The following MGAT2 variants were observed in gnomAD, a reference collection of about 807,000 sequenced individuals.
MGAT2 encodes the protein Beta-1,2-N-acetylglucosaminyltransferase II.
MGAT2 carries 17 observed loss-of-function variants against 33.8 expected under a neutral mutation model. That is an observed-to-expected ratio of 0.50 (90% confidence interval 0.34 to 0.76). The LOEUF is 0.76. MGAT2 is among the 30% of genes least tolerant of loss of function. The pLI, the probability that MGAT2 is intolerant of heterozygous loss-of-function variation, is 0.01. For missense variants in MGAT2, 529 were observed against 553.9 expected (o/e 0.96, Z 0.45); for synonymous variants, 248 against 226.7 (o/e 1.09, Z -0.84).
Position 49,623,125 on chromosome 14 carries a change from G to C in MGAT2, c.*513G>C, listed in dbSNP as rs1253836446. On this transcript the variant is annotated 3_prime_UTR_variant, in exon 1 of 1. Transcript: ENST00000305386. Reference sequence around the variant, plus strand: ...GTTTGTTAAACACCCTGTCAGAACAGTCATTTTCAGTATTAGATTCCTGTA... The same window carrying C: ...GTTTGTTAAACACCCTGTCAGAACACTCATTTTCAGTATTAGATTCCTGTA... The C allele has an allele frequency of 6.0e-6, 1 of 167,802 alleles. No homozygotes were observed. The highest frequency in any genetic ancestry group is 1.5e-5 in the Non-Finnish European group (1 of 68,728). The allele number at this position is 167,802 out of a possible 1,614,324, so 10.4% of individuals were successfully genotyped here.
Position 49,622,050 on chromosome 14 carries a change from A to T in MGAT2, c.782A>T (p.Asp261Val), listed in dbSNP as rs1400230698. The T allele has an allele frequency of 6.2e-7, 1 of 1,614,200 alleles. No homozygotes were observed. Among genetic ancestry groups the T allele is most frequent in the South Asian group, 1.1e-5 (1 of 91,084 alleles). The change falls in exon 1 of 1, where the codon GAT becomes GTT. Residue 261 changes from aspartate to valine, a missense_variant. Asp to Val is a radical substitution (Grantham distance 152, BLOSUM62 -3). Around this residue, in one of 2 missense-constraint regions of MGAT2, gnomAD observed 501 missense variants for 501.1 expected, o/e 1.00. Transcript: ENST00000305386. Reference protein sequence around the residue: ...YAGLILFLEEDHYLAPDFYHV... With the variant: ...YAGLILFLEEVHYLAPDFYHV... ...GGCCTTATACTTTTCCTAGAAGAGG[A>T]TCACTACTTAGCCCCAGACTTTTAC... is the stretch of plus-strand genomic sequence containing the variant.
Position 49,622,182 on chromosome 14 carries a change from A to G in MGAT2, c.914A>G (p.Asp305Gly), listed in dbSNP as rs1189278775. ...SASRSFYGMA[D>G]KVDVKTWKST... ...AGTCGCAGTTTCTATGGCATGGCTG[A>G]CAAGGTAGATGTGAAAACTTGGAAA... Residue 305 changes from aspartate (D) to glycine (G), a missense_variant, in exon 1 of 1, where the codon GAC becomes GGC. Around this residue, in one of 2 missense-constraint regions of MGAT2, gnomAD observed 501 missense variants for 501.1 expected, o/e 1.00. Transcript: ENST00000305386. 2.5e-6 allele frequency: 4 copies of G among 1,614,182 alleles called. No individual in the cohort carries two copies. The highest frequency in any genetic ancestry group is 3.4e-6 in the Non-Finnish European group (4 of 1,180,012).
rs997845120 is a variant in MGAT2, at chr14:49,621,045, G to T, written c.-224G>T. 2 of 727,964 alleles carry T rather than the reference G, an allele frequency of 2.7e-6. No individual in the cohort carries two copies. Among genetic ancestry groups the T allele is most frequent in the Non-Finnish European group, 4.9e-6 (2 of 408,904 alleles). The allele number at this position is 727,964 out of a possible 1,614,324, so 45.1% of individuals were successfully genotyped here. ...TAGCGGCGGCGCCGATGCTCGAGCT[G>T]TAGCTGCCAGGCGAGGATGTGTGGA... On this transcript the variant is annotated 5_prime_UTR_variant, in exon 1 of 1. Transcript: ENST00000305386. This position sits in a 1 kb window ranked among gnomAD's most constrained non-coding sequence, Gnocchi z 4.6.
rs148680997 is a variant in MGAT2, at chr14:49,622,251, A to G, written c.983A>G (p.Tyr328Cys). The G allele has an allele frequency of 1.1e-5, 17 of 1,614,092 alleles. No homozygotes were observed. The highest frequency in any genetic ancestry group is 4.0e-5 in the African/African-American group (3 of 74,932). Residue 328 changes from tyrosine (Y) to cysteine (C), a missense_variant, in exon 1 of 1, where the codon TAT (tyrosine) becomes TGT (cysteine). Tyr to Cys is a radical substitution (Grantham distance 194). Coordinates refer to ENST00000305386, the MANE Select transcript of MGAT2 (RefSeq NM_002408.4). The stretch of plus-strand genomic sequence containing the variant: ...GGTCTAGCCTTGACCCGGAATGCCT[A>G]TCAGAAGCTGATCGAGTGCACAGAC... Reference protein sequence around the residue: ...NMGLALTRNAYQKLIECTDTF... With the variant: ...NMGLALTRNACQKLIECTDTF...
rs1338743307 is a variant in MGAT2 at position 49,621,954 on chromosome 14, A to G, written c.686A>G (p.Gln229Arg). The change falls in exon 1 of 1, where the codon CAG becomes CGG. Residue 229 changes from glutamine (Q) to arginine (R), a missense_variant. Transcript: ENST00000305386. The surrounding 1 kb of genome is among the most constrained non-coding windows in gnomAD (Gnocchi z 4.6). ...CATTATAGAGAGGCCAAATTCTCCC[A>G]GACCAAACATCACTGGTGGTGGAAG... ...FGHYREAKFS[Q>R]TKHHWWWKLH... 6.2e-7 allele frequency: 1 copy of G among 1,614,234 alleles called. No individual in the cohort carries two copies. The highest frequency in any genetic ancestry group is 1.3e-5 in the African/African-American group (1 of 75,066).
rs771013920 is a variant in MGAT2 at position 49,621,713 on chromosome 14, G to A, written c.445G>A (p.Val149Ile). 3 of 1,614,186 alleles carry A rather than the reference G, an allele frequency of 1.9e-6. No individual in the cohort carries two copies. The highest frequency in any genetic ancestry group is 1.1e-5 in the South Asian group (1 of 91,082). ...AGCCCAGGGAATTGACAACGTCCTC[G>A]TCATCTTTAGCCATGACTTCTGGTC... ...RKAQGIDNVLVIFSHDFWSTE... is the reference protein window; with the variant it reads ...RKAQGIDNVLIIFSHDFWSTE... The change falls in exon 1 of 1, where the codon GTC becomes ATC. Residue 149 changes from valine to isoleucine, a missense_variant. By Grantham distance (29) the Val-to-Ile change is conservative (BLOSUM62 3). Around this residue, in one of 2 missense-constraint regions of MGAT2, gnomAD observed 501 missense variants for 501.1 expected, o/e 1.00. Coordinates refer to ENST00000305386, the MANE Select transcript of MGAT2 (RefSeq NM_002408.4). This position sits in a 1 kb window ranked among gnomAD's most constrained non-coding sequence, Gnocchi z 4.6.
Position 49,621,858 on chromosome 14 carries a change from C to G in MGAT2, c.590C>G (p.Pro197Arg), listed in dbSNP as rs1318755521. Residue 197 changes from proline to arginine, a missense_variant, in exon 1 of 1, where the codon CCC (proline) becomes CGC (arginine). Physicochemically the swap from Pro to Arg is moderately radical, Grantham distance 103. Transcript: ENST00000305386. The surrounding 1 kb of genome is among the most constrained non-coding windows in gnomAD (Gnocchi z 4.6). ...EFPGSDPRDC[P>R]RDLPKNAALK... ...CCAGGTAGTGACCCTAGAGATTGTC[C>G]CAGAGACCTGCCGAAGAATGCCGCT... 6.2e-7 allele frequency: 1 copy of G among 1,614,068 alleles called. No individual in the cohort carries two copies. The highest frequency in any genetic ancestry group is 8.5e-7 in the Non-Finnish European group (1 of 1,180,018).
rs754383709 is a variant in MGAT2, at chr14:49,621,387, C to G, written c.119C>G (p.Pro40Arg). ...RQRKNEALAP[P>R]LLDAEPARGA... ...AGGAAGAACGAGGCCCTCGCCCCACCGTTGCTGGACGCCGAACCCGCGCGG... is the reference window on the plus strand; with the variant it reads ...AGGAAGAACGAGGCCCTCGCCCCACGGTTGCTGGACGCCGAACCCGCGCGG... Residue 40 changes from proline to arginine, a missense_variant, in exon 1 of 1, where the codon CCG becomes CGG. Around this residue, in one of 2 missense-constraint regions of MGAT2, gnomAD observed 501 missense variants for 501.1 expected, o/e 1.00. Coordinates refer to ENST00000305386, the MANE Select transcript of MGAT2 (RefSeq NM_002408.4). This position sits in a 1 kb window ranked among gnomAD's most constrained non-coding sequence, Gnocchi z 4.6. The G allele has an allele frequency of 1.9e-6, 3 of 1,610,166 alleles. No homozygotes were observed. The highest frequency in any genetic ancestry group is 1.1e-5 in the South Asian group (1 of 91,000).
rs768198938 is a variant in MGAT2, at chr14:49,621,884, T to G, written c.616T>G (p.Leu206Val). ...CPRDLPKNAA[L>V]KLGCINAEYP... ...CAGAGACCTGCCGAAGAATGCCGCT[T>G]TGAAATTGGGGTGCATCAATGCTGA... Residue 206 changes from leucine to valine, a missense_variant, in exon 1 of 1, where the codon TTG (leucine) becomes GTG (valine). This residue lies in a region of MGAT2 where 501 missense variants were observed against 501.1 expected (regional missense o/e 1.00). Coordinates refer to ENST00000305386, the MANE Select transcript of MGAT2 (RefSeq NM_002408.4). This position sits in a 1 kb window ranked among gnomAD's most constrained non-coding sequence, Gnocchi z 4.6. The G allele has an allele frequency of 3.1e-6, 5 of 1,614,180 alleles. No homozygotes were observed. Among genetic ancestry groups the G allele is most frequent in the Non-Finnish European group, 4.2e-6 (5 of 1,180,034 alleles).
chr14:49,621,148 C>G lies in MGAT2; in HGVS notation c.-121C>G, dbSNP rs112513155. 240 of 1,458,106 alleles carry G rather than the reference C, an allele frequency of 1.6e-4. No individual in the cohort carries two copies. The highest frequency in any genetic ancestry group is 1.5e-4 in the Non-Finnish European group (163 of 1,074,546). 90.3% of individuals were successfully genotyped at this position (1,458,106 alleles called of 1,614,324 possible). A position where few individuals can be genotyped will look rare whatever the true frequency, so the allele number is the denominator to read the frequency against. ...CCCGGGATGAGTTAGCGAGGGCAGCCGCGGGGGCCAGTTCCGACCGTGACA... is the reference window on the plus strand; with the variant it reads ...CCCGGGATGAGTTAGCGAGGGCAGCGGCGGGGGCCAGTTCCGACCGTGACA... On this transcript the variant is annotated 5_prime_UTR_variant, in exon 1 of 1. Transcript: ENST00000305386. This position sits in a 1 kb window ranked among gnomAD's most constrained non-coding sequence, Gnocchi z 4.6.
In MGAT2 at chr14:49,621,335, G is replaced by A. The variant is rs1026054084; in HGVS notation, c.67G>A (p.Val23Ile). The change falls in exon 1 of 1, where the codon GTC becomes ATC. Residue 23 changes from valine to isoleucine, a missense_variant. Transcript: ENST00000305386. This position sits in a 1 kb window ranked among gnomAD's most constrained non-coding sequence, Gnocchi z 4.6. ...LTLVVAACGFVLWSSNGRQRK... is the reference protein window; with the variant it reads ...LTLVVAACGFILWSSNGRQRK... ...GCTCGTGGTGGCCGCCTGCGGCTTC[G>A]TCCTCTGGAGCAGCAATGGGCGACA... The A allele has an allele frequency of 6.2e-7, 1 of 1,612,524 alleles. No homozygotes were observed. Among genetic ancestry groups the A allele is most frequent in the South Asian group, 1.1e-5 (1 of 91,074 alleles).
At position 49,621,540 on chromosome 14, in the gene MGAT2, A is replaced by G. The variant is rs759928068; in HGVS notation, c.272A>G (p.Tyr91Cys). The G allele has an allele frequency of 4.3e-6, 7 of 1,613,456 alleles. No homozygotes were observed. Among genetic ancestry groups the G allele is most frequent in the Non-Finnish European group, 5.1e-6 (6 of 1,179,872 alleles). Residue 91 changes from tyrosine (Y) to cysteine (C), a missense_variant, in exon 1 of 1, where the codon TAC becomes TGC. Tyr to Cys is a radical substitution (Grantham distance 194). Coordinates refer to ENST00000305386, the MANE Select transcript of MGAT2 (RefSeq NM_002408.4). This position sits in a 1 kb window ranked among gnomAD's most constrained non-coding sequence, Gnocchi z 4.6. ...GAGGCGGACAACCTGACGCTGCGGTACCGGTCCCTGGTGTACCAGCTGAAC... is the reference window on the plus strand; with the variant it reads ...GAGGCGGACAACCTGACGCTGCGGTGCCGGTCCCTGGTGTACCAGCTGAAC... ...QPEADNLTLRYRSLVYQLNFD... is the reference protein window; with the variant it reads ...QPEADNLTLRCRSLVYQLNFD...
rs745596582 is a variant in MGAT2 at position 49,621,244 on chromosome 14, G to A, written c.-25G>A. 46 of 1,611,276 alleles carry A rather than the reference G, an allele frequency of 2.9e-5. No homozygotes were observed. The African/African-American group carries it at 5.9e-4, about 21-fold the overall frequency. ...CAGCTGCTCCTTTCCGCGCCCGCCCGCCTGCGCTCCCGGCCCTGGAGACCA... is the reference window on the plus strand; with the variant it reads ...CAGCTGCTCCTTTCCGCGCCCGCCCACCTGCGCTCCCGGCCCTGGAGACCA... On this transcript the variant is annotated 5_prime_UTR_variant, in exon 1 of 1. Coordinates refer to ENST00000305386, the MANE Select transcript of MGAT2 (RefSeq NM_002408.4). This position sits in a 1 kb window ranked among gnomAD's most constrained non-coding sequence, Gnocchi z 4.6.
In MGAT2 at chr14:49,622,504, T is replaced by C. The variant is rs746919419; in HGVS notation, c.1236T>C (p.Thr412=). ...NKQYMFPETL[T]ISEKFTVVAI... ...AATACATGTTTCCAGAAACTCTAAC[T>C]ATCAGTGAAAAGTTTACTGTGGTAG... Residue 412 remains threonine, a synonymous_variant, in exon 1 of 1, where the codon ACT becomes ACC. Coordinates refer to ENST00000305386, the MANE Select transcript of MGAT2 (RefSeq NM_002408.4). 9 of 1,603,374 alleles carry C rather than the reference T, an allele frequency of 5.6e-6. No homozygotes were observed. In the East Asian group the frequency reaches 1.8e-4, roughly 32 times the overall value.
chr14:49,620,822 T>G lies in MGAT2; in HGVS notation c.-447T>G. On this transcript the variant is annotated 5_prime_UTR_variant, in exon 1 of 1. Transcript: ENST00000305386. ...GGGCAGTTGCGGGTTGTCATAACGG[T>G]CCCCGCCGGAGTGAGGCGAGGCCGC... The G allele has an allele frequency of 1.6e-6, 1 of 611,354 alleles. No individual in the cohort carries two copies. The highest frequency in any genetic ancestry group is 2.9e-6 in the Non-Finnish European group (1 of 343,136). The allele number at this position is 611,354 out of a possible 1,614,324, so 37.9% of individuals were successfully genotyped here.
Position 49,622,206 on chromosome 14 carries a change from A to C in MGAT2, c.938A>C (p.Lys313Thr). The change falls in exon 1 of 1, where the codon AAA becomes ACA. Residue 313 changes from lysine to threonine, a missense_variant. Transcript: ENST00000305386. ...GACAAGGTAGATGTGAAAACTTGGA[A>C]ATCCACAGAGCACAATATGGGTCTA... is the stretch of plus-strand genomic sequence containing the variant. ...MADKVDVKTW[K>T]STEHNMGLAL... 1 of 1,614,148 alleles carries C rather than the reference A, an allele frequency of 6.2e-7. No homozygotes were observed. The highest frequency in any genetic ancestry group is 8.5e-7 in the Non-Finnish European group (1 of 1,180,014).
rs1454575103 is a variant in MGAT2, at chr14:49,623,113, C to T, written c.*501C>T. The T allele has an allele frequency of 1.2e-5, 2 of 168,114 alleles. No homozygotes were observed. The highest frequency in any genetic ancestry group is 2.4e-5 in the African/African-American group (1 of 41,418). 10.4% of individuals were successfully genotyped at this position (168,114 alleles called of 1,614,324 possible). ...TTTAAAAGTTATGTTTGTTAAACAC[C>T]CTGTCAGAACAGTCATTTTCAGTAT... On this transcript the variant is annotated 3_prime_UTR_variant, in exon 1 of 1. Coordinates refer to ENST00000305386, the MANE Select transcript of MGAT2 (RefSeq NM_002408.4).
At position 49,620,816 on chromosome 14, in the gene MGAT2, T is replaced by A. The variant is rs1882819234; in HGVS notation, c.-453T>A. 1.3e-5 allele frequency: 8 copies of A among 606,222 alleles called. No individual in the cohort carries two copies. Among genetic ancestry groups the A allele is most frequent in the Middle Eastern group, 8.6e-4 (2 of 2,314 alleles). 37.6% of individuals were successfully genotyped at this position (606,222 alleles called of 1,614,324 possible). A position where few individuals can be genotyped will look rare whatever the true frequency, so the allele number is the denominator to read the frequency against. On this transcript the variant is annotated 5_prime_UTR_variant, in exon 1 of 1. Transcript: ENST00000305386. ...GCCGCGGGGCAGTTGCGGGTTGTCATAACGGTCCCCGCCGGAGTGAGGCGA... is the reference window on the plus strand; with the variant it reads ...GCCGCGGGGCAGTTGCGGGTTGTCAAAACGGTCCCCGCCGGAGTGAGGCGA...
At position 49,623,370 on chromosome 14, in the gene MGAT2, C is replaced by T. The variant is rs986475641; in HGVS notation, c.*758C>T. On this transcript the variant is annotated 3_prime_UTR_variant, in exon 1 of 1. Coordinates refer to ENST00000305386, the MANE Select transcript of MGAT2 (RefSeq NM_002408.4). ...AATAAGTTTTGTTTACTCTTTATACCAAAATTCAGTGAAGGCATTCTACAA... is the reference window on the plus strand; with the variant it reads ...AATAAGTTTTGTTTACTCTTTATACTAAAATTCAGTGAAGGCATTCTACAA... 2 of 166,624 alleles carry T rather than the reference C, an allele frequency of 1.2e-5. No homozygotes were observed. Among genetic ancestry groups the T allele is most frequent in the African/African-American group, 2.4e-5 (1 of 41,298 alleles). 10.3% of individuals were successfully genotyped at this position (166,624 alleles called of 1,614,324 possible). A position where few individuals can be genotyped will look rare whatever the true frequency, so the allele number is the denominator to read the frequency against.
Sources: allele counts gnomAD v4.1 joint callset, GRCh38; gene constraint gnomAD v4.1.1; regional missense constraint gnomAD v4.1.1; non-coding constraint Gnocchi (gnomAD v3.1); transcripts MANE v1.5; gene names NCBI Gene and HGNC (gene_info 2026-07-23, HGNC 2026-07-21).